The following VEPH1 variants were observed in gnomAD, a reference collection of about 807,000 sequenced individuals.
The protein encoded by VEPH1 is ventricular zone-expressed PH domain-containing protein homolog 1.
VEPH1 carries 80 observed loss-of-function variants against 85.2 expected under a neutral mutation model. The observed-to-expected ratio is 0.94, with a 90% confidence interval of 0.78 to 1.13. The LOEUF is 1.13. Among genes scored for constraint, VEPH1 ranks in the 50% most tolerant of loss-of-function variants. The pLI, the probability that VEPH1 is intolerant of heterozygous loss-of-function variation, is 0.00. For missense variants in VEPH1, 955 were observed against 980.5 expected, an observed-to-expected ratio of 0.97 and a Z score of 0.35; for synonymous variants, 297 against 348.0, an observed-to-expected ratio of 0.85 and a Z score of 1.63.
chr3:157,301,425 C>T (rs1297771703), intron 11 of VEPH1, among the ~76,000 whole-genome samples: 3 of 152,144 alleles, frequency 2.0e-5, no homozygotes. Flanking sequence ...ATTGCATCAT[C>T]CCGGCAATTT....
intron 2 of VEPH1, among the ~76,000 whole-genome samples, chr3:157,481,190 A>T (rs1166671339): frequency 6.6e-6 from 1 of 151,930 alleles, no homozygotes; most frequent in African/African-American, 2.4e-5. Flanking sequence ...TTGACTCTGG[A>T]TATCAGAACT....
chr3:157,339,347 C>T (rs1244295428), intron 9 of VEPH1, among the ~76,000 whole-genome samples: 1 of 152,170 alleles, frequency 6.6e-6, no homozygotes, highest in Non-Finnish European at 1.5e-5. Flanking sequence ...AAAGCAGTGA[C>T]TTATGACATG....
At chr3:157,293,407 A>G (rs1559931060) in intron 11 of VEPH1, among the ~76,000 whole-genome samples, 1 of 152,232 alleles carries the variant, frequency 6.6e-6, no homozygotes, top group Non-Finnish European at 1.5e-5. Flanking sequence ...ATATCACTAA[A>G]TAAACTTATA....
At chr3:157,402,568 T>A (rs1730860367) in intron 6 of VEPH1, among the ~76,000 whole-genome samples, 6 of 152,174 alleles carry the variant, frequency 3.9e-5, no homozygotes, top group Admixed American at 3.9e-4. Context: ...GCAAGATGGT[T>A]AGAAAGGTTT....
chr3:157,334,622 A>G (rs1445650077), intron 9 of VEPH1, among the ~76,000 whole-genome samples: 2 of 152,268 alleles, frequency 1.3e-5, no homozygotes, highest in African/African-American at 4.8e-5. Flanking sequence ...TGAGTGTTAA[A>G]ACTATAAAAA....
chr3:157,481,977 T>C (rs1047964085), intron 2 of VEPH1, among the ~76,000 whole-genome samples: 1 of 152,162 alleles, frequency 6.6e-6, no homozygotes, highest in Non-Finnish European at 1.5e-5. Context: ...GATCAGATAG[T>C]TGTAGGTGTG....
intron 9 of VEPH1, among the ~76,000 whole-genome samples, chr3:157,339,670 G>A (rs1224774582): frequency 1.3e-5 from 2 of 152,166 alleles, no homozygotes; most frequent in Admixed American, 6.5e-5. Context: ...ATAGAGGGTG[G>A]GAACACAAAG....
intron 9 of VEPH1, among the ~76,000 whole-genome samples, chr3:157,329,867 A>G (rs1316190601): frequency 6.6e-6 from 1 of 152,220 alleles, no homozygotes; most frequent in Non-Finnish European, 1.5e-5. Context: ...ACTATTTCCC[A>G]GTGGTCCACA....
At chr3:157,361,539 C>T (rs1726049522) in intron 9 of VEPH1, among the ~76,000 whole-genome samples, 1 of 152,216 alleles carries the variant, frequency 6.6e-6, no homozygotes. Context: ...GGAGGCTGAG[C>T]TGTCTGGCTT....
chr3:157,332,489 A>T (rs1722599719), intron 9 of VEPH1, among the ~76,000 whole-genome samples: 1 of 152,220 alleles, frequency 6.6e-6, no homozygotes, highest in South Asian at 2.1e-4. Flanking sequence ...GGAATCATAT[A>T]ATGAGTGGCC....
intron 5 of VEPH1, among the ~76,000 whole-genome samples, chr3:157,427,552 C>T (rs1577629970): frequency 6.6e-6 from 1 of 152,012 alleles, no homozygotes; most frequent in East Asian, 1.9e-4. Context: ...ACTTCCCTGG[C>T]TCAGGTGATT....
intron 9 of VEPH1, chr3:157,363,152 T>C (rs1726231761): frequency 2.4e-6 from 1 of 423,588 alleles, no homozygotes; most frequent in Non-Finnish European, 4.1e-6. Flanking sequence ...TGGACTTATG[T>C]GCACCCAAGT....
At chr3:157,502,049 C>T (rs1049835026) in intron 1 of VEPH1, among the ~76,000 whole-genome samples, 1 of 152,152 alleles carries the variant, frequency 6.6e-6, no homozygotes, top group Non-Finnish European at 1.5e-5. Flanking sequence ...CATTTCAGCC[C>T]TTCCCACAAG....
At chr3:157,481,864 T>TAGTTTTTGACTTTGTCAAAACATTGCTA (rs879478440) in intron 2 of VEPH1, among the ~76,000 whole-genome samples, 20 of 152,222 alleles carry the variant, frequency 1.3e-4, no homozygotes, top group East Asian at 5.8e-4. Context: ...CCTCATTGCT[T>TAGTTTTTGACTTTGTCAAAACATTGCTA]AGTTTTTGAC....
chr3:157,455,753 A>T (rs1444167983), intron 4 of VEPH1, among the ~76,000 whole-genome samples: 3 of 152,142 alleles, frequency 2.0e-5, no homozygotes, highest in Admixed American at 2.0e-4. Flanking sequence ...AAAGGACATG[A>T]TCTTGCTCTT....
intron 2 of VEPH1, among the ~76,000 whole-genome samples, chr3:157,477,468 G>T (rs751829170): frequency 7.6e-4 from 115 of 151,998 alleles, no homozygotes; most frequent in Non-Finnish European, 1.4e-3. Context: ...AGGTTCTGGG[G>T]TTTAGGATGA....
chr3:157,497,553 T>C (rs1262205853), intron 1 of VEPH1, among the ~76,000 whole-genome samples: 1 of 152,164 alleles, frequency 6.6e-6, no homozygotes, highest in Non-Finnish European at 1.5e-5. Flanking sequence ...AAAATAATAT[T>C]CAGGAAAATT....
intron 4 of VEPH1, chr3:157,437,780 G>T (rs1733742994): frequency 6.8e-7 from 1 of 1,475,572 alleles, no homozygotes; most frequent in Non-Finnish European, 8.9e-7. Context: ...AGGCTGGCGC[G>T]TATGGAGGGC....
intron 9 of VEPH1, among the ~76,000 whole-genome samples, chr3:157,320,036 G>T (rs1277791271): frequency 6.6e-6 from 1 of 152,028 alleles, no homozygotes; most frequent in Admixed American, 6.6e-5. Context: ...TTAAGACTTA[G>T]TTGTTAATTT....
Sources: gnomAD v4.1 joint callset for allele counts (sites outside exome capture counted in the v4.1 genomes callset) on GRCh38, gnomAD v4.1.1 for gene constraint, MANE v1.5 for transcripts, NCBI Gene and HGNC (gene_info 2026-07-23, HGNC 2026-07-21) for gene names.